CLTC: variants seen among roughly 807,000 people sequenced by gnomAD.
CLTC encodes clathrin heavy chain.
CLTC carries 16 observed loss-of-function variants against 195.8 expected under a neutral mutation model. The ratio of observed to expected loss-of-function variants is 0.08; its 90% CI spans 0.06 to 0.12. CLTC has a LOEUF of 0.12. CLTC is among the 10% of genes least tolerant of loss of function. The pLI is 1.00. For missense variants in CLTC, 796 were observed against 2,027.0 expected (o/e 0.39, Z 11.66); for synonymous variants, 667 against 689.4 (o/e 0.97, Z 0.51).
rs759247868 is a variant in CLTC at position 59,644,529 on chromosome 17, G to GT, written c.250+55dup. 3.0e-3 allele frequency: 3,399 copies of GT among 1,117,154 alleles called. 2 individuals carry two copies. Among genetic ancestry groups the GT allele is most frequent in the East Asian group, 3.6e-3 (130 of 36,176 alleles). The allele number at this position is 1,117,154 out of a possible 1,614,324, so 69.2% of individuals were successfully genotyped here. A position where few individuals can be genotyped will look rare whatever the true frequency, so the allele number is the denominator to read the frequency against. On this transcript the variant is annotated intron_variant, in intron 2 of 31. Transcript: ENST00000269122. ...TCCTTAAAACTCTTCCTATGTTTTT[G>GT]TTTTTTTTTGTTTTTTTTTTGTTTG...
chr17:59,684,133 AATC>A, intron 28 of CLTC, 148 bp downstream of exon 28: 1 of 586,798 alleles, frequency 1.7e-6, no homozygotes, highest in Non-Finnish European at 3.0e-6. Context: ...AGGATTGATA[AATC>A]TTCTAATTAA....
At chr17:59,691,713 T>C (rs1262961267) in intron 31 of CLTC, among the ~76,000 whole-genome samples, 1 of 150,322 alleles carries the variant, frequency 6.7e-6, no homozygotes, top group East Asian at 1.9e-4. Context: ...TATACACTTA[T>C]TATGGTTTTG....
At chr17:59,655,244 G>A (rs2143526017) in intron 5 of CLTC, among the ~76,000 whole-genome samples, 1 of 152,292 alleles carries the variant, frequency 6.6e-6, no homozygotes, top group East Asian at 1.9e-4. Context: ...TGTGTCTCAG[G>A]TAATAGGGAG....
At chr17:59,637,817 A>G (rs552168442) in intron 1 of CLTC, among the ~76,000 whole-genome samples, 5 of 151,966 alleles carry the variant, frequency 3.3e-5, no homozygotes, top group African/African-American at 1.2e-4. Flanking sequence ...CAGCCAACCT[A>G]TGGACAGCTG....
At chr17:59,665,058 C>A in intron 10 of CLTC, 149 bp downstream of exon 10, 1 of 1,021,216 alleles carries the variant, frequency 9.8e-7, no homozygotes, top group Non-Finnish European at 1.4e-6. Flanking sequence ...GACCCTGTAA[C>A]TACAAAAAAT....
intron 1 of CLTC, among the ~76,000 whole-genome samples, chr17:59,641,178 C>T (rs1205549442): frequency 1.3e-5 from 2 of 151,530 alleles, no homozygotes; most frequent in African/African-American, 4.8e-5. Context: ...GGTGTTTTAA[C>T]TCAAACTGGG....
chr17:59,624,080 A>G (rs1002660387), intron 1 of CLTC, among the ~76,000 whole-genome samples: 11 of 152,212 alleles, frequency 7.2e-5, no homozygotes, highest in African/African-American at 2.4e-4. Context: ...GTGATGAACA[A>G]TGACTAGCAG....
Position 59,619,951 on chromosome 17 carries a change from C to G in CLTC, c.-181C>G. 1.7e-6 allele frequency: 1 copy of G among 599,586 alleles called. No homozygotes were observed. The allele number at this position is 599,586 out of a possible 1,614,324, so 37.1% of individuals were successfully genotyped here. On this transcript the variant is annotated 5_prime_UTR_variant, in exon 1 of 32. Coordinates refer to ENST00000269122, the MANE Select transcript of CLTC (RefSeq NM_004859.4). Reference sequence around the variant, plus strand: ...TCCGCCATTGCGGCTCTCCTGGCCCCTGGAGCCTCCGCCCCCGACCCGAGC... The same window carrying G: ...TCCGCCATTGCGGCTCTCCTGGCCCGTGGAGCCTCCGCCCCCGACCCGAGC...
intron 1 of CLTC, among the ~76,000 whole-genome samples, chr17:59,621,319 C>A (rs1477408358): frequency 1.3e-5 from 2 of 152,186 alleles, no homozygotes; most frequent in Non-Finnish European, 2.9e-5. Flanking sequence ...CCAAATATCC[C>A]CTTAAAGAAA....
At chr17:59,623,154 A>G (rs2031436423) in intron 1 of CLTC, among the ~76,000 whole-genome samples, 1 of 152,184 alleles carries the variant, frequency 6.6e-6, no homozygotes. Flanking sequence ...TGGGTCTTCA[A>G]TTAAAAATCT....
intron 2 of CLTC, among the ~76,000 whole-genome samples, chr17:59,646,866 G>A (rs927060478): frequency 1.3e-5 from 2 of 152,154 alleles, no homozygotes; most frequent in Non-Finnish European, 2.9e-5. Context: ...AAATGTAGCA[G>A]GCACTTCTCT....
chr17:59,686,238 C>T (rs2033180779), intron 30 of CLTC, among the ~76,000 whole-genome samples: 1 of 151,678 alleles, frequency 6.6e-6, no homozygotes. Context: ...TCCTTTTAAT[C>T]TTCACAATTT....
intron 6 of CLTC, among the ~76,000 whole-genome samples, chr17:59,659,675 C>T (rs2032564197): frequency 1.3e-5 from 2 of 151,812 alleles, no homozygotes; most frequent in South Asian, 4.2e-4. Context: ...GTCTTGAACT[C>T]CTGACCTCAT....
At chr17:59,625,279 T>A (rs1023877107) in intron 1 of CLTC, among the ~76,000 whole-genome samples, 3 of 151,988 alleles carry the variant, frequency 2.0e-5, no homozygotes, top group African/African-American at 4.8e-5. Context: ...CAGCTATTTT[T>A]TTTTTATTTT....
At chr17:59,693,217 A>T (rs2033348408) in intron 31 of CLTC, among the ~76,000 whole-genome samples, 1 of 151,974 alleles carries the variant, frequency 6.6e-6, no homozygotes. Flanking sequence ...AAATACAAAA[A>T]TTAGCTGGAC....
At chr17:59,667,529 T>C (rs532991975) in intron 13 of CLTC, among the ~76,000 whole-genome samples, 1 of 152,366 alleles carries the variant, frequency 6.6e-6, no homozygotes, top group East Asian at 1.9e-4. Flanking sequence ...CTGACTCTTA[T>C]AATAGCAGGT....
intron 6 of CLTC, chr17:59,658,748 C>A (rs1003190226): frequency 1.3e-5 from 2 of 152,192 alleles, no homozygotes; most frequent in Non-Finnish European, 2.9e-5. Context: ...TCTGCTAGAA[C>A]AGTCTTTAAG....
At chr17:59,669,200 T>G (rs896176446) in intron 14 of CLTC, among the ~76,000 whole-genome samples, 34 of 152,220 alleles carry the variant, frequency 2.2e-4, no homozygotes, top group African/African-American at 8.0e-4. Flanking sequence ...TCCTTTATTT[T>G]AATTTTGGAT....
intron 1 of CLTC, among the ~76,000 whole-genome samples, chr17:59,635,965 T>G (rs567462815): frequency 1.0e-3 from 155 of 152,164 alleles, no homozygotes; most frequent in African/African-American, 3.7e-3. Flanking sequence ...ATCCCAGCAC[T>G]TTGGGAGGCC....
Sources: gnomAD v4.1 joint callset for allele counts (sites outside exome capture counted in the v4.1 genomes callset) on GRCh38, gnomAD v4.1.1 for gene constraint, MANE v1.5 for transcripts, NCBI Gene and HGNC (gene_info 2026-07-23, HGNC 2026-07-21) for gene names.